Variants in CPM observed in about 807,000 individuals in gnomAD.
CPM encodes renal carboxypeptidase.
A neutral mutation model predicts 46.4 loss-of-function variants in CPM; 35 were observed. That is an observed-to-expected ratio of 0.75 (90% CI 0.58 to 1.00). The LOEUF is 1.00. Ranked by LOEUF, CPM falls within the 50% of genes least tolerant of loss-of-function variation. CPM has a pLI of 0.00. For synonymous variants in CPM, 195 were observed against 195.3 expected (o/e 1.00, Z 0.01); for missense variants, 422 against 530.4 (o/e 0.80, Z 2.01).
chr12:68,951,758 C>T (rs988651308), intron 1 of CPM, among the ~76,000 whole-genome samples: 5 of 152,066 alleles, frequency 3.3e-5, no homozygotes, highest in South Asian at 2.1e-4. Flanking sequence ...ACCAGGAGCC[C>T]GGGGGCCTCA....
At chr12:68,957,945 G>A (rs1186310782) in intron 1 of CPM, among the ~76,000 whole-genome samples, 1 of 140,772 alleles carries the variant, frequency 7.1e-6, no homozygotes, top group African/African-American at 2.6e-5. Context: ...TGTGGTGTTT[G>A]GTTTTCTGTC....
intron 2 of CPM, among the ~76,000 whole-genome samples, chr12:68,931,341 C>T (rs947945186): frequency 1.3e-5 from 2 of 152,068 alleles, no homozygotes; most frequent in Admixed American, 6.5e-5. Flanking sequence ...ACACACCTTA[C>T]AAAAAGTTGA....
At position 68,869,211 on chromosome 12, in the gene CPM, G is replaced by A. The variant is rs572102299; in HGVS notation, c.787+114C>T. On this transcript the variant is annotated intron_variant, in intron 6 of 8. Coordinates refer to ENST00000551568, the MANE Select transcript of CPM (RefSeq NM_198320.5). ...TATGATATTAGCTGATAAGGACAGA[G>A]TGAAGGGCCTATTGTGCCTAAAGTT... 3.9e-5 allele frequency: 32 copies of A among 815,128 alleles called. No individual in the cohort carries two copies. In the East Asian group the frequency reaches 5.6e-4, roughly 14 times the overall value. 50.5% of individuals were successfully genotyped at this position (815,128 alleles called of 1,614,324 possible). A position where few individuals can be genotyped will look rare whatever the true frequency, so the allele number is the denominator to read the frequency against.
chr12:68,861,538 T>G (rs867494903), intron 7 of CPM, among the ~76,000 whole-genome samples: 22 of 140,882 alleles, frequency 1.6e-4, no homozygotes, highest in African/African-American at 5.7e-4. Flanking sequence ...ACACAATTTT[T>G]TGTTTTTTTT....
chr12:68,905,756 C>T (rs2136284394), intron 2 of CPM, among the ~76,000 whole-genome samples: 1 of 152,164 alleles, frequency 6.6e-6, no homozygotes, highest in Admixed American at 6.5e-5. Context: ...AAATCCAGTT[C>T]TTCAGAAAAA....
At chr12:68,895,807 G>A (rs1886849354) in intron 2 of CPM, among the ~76,000 whole-genome samples, 2 of 152,222 alleles carry the variant, frequency 1.3e-5, no homozygotes, top group African/African-American at 4.8e-5. Context: ...TTAGCTGGGT[G>A]TGGTGGTGTG....
intron 2 of CPM, among the ~76,000 whole-genome samples, chr12:68,899,313 G>T (rs1426373614): frequency 1.3e-5 from 2 of 152,200 alleles, no homozygotes; most frequent in Non-Finnish European, 2.9e-5. Flanking sequence ...GAATTCCCAG[G>T]CCCTAACAGC....
chr12:68,933,752 G>C (rs1888612522), upstream of CPM, among the ~76,000 whole-genome samples: 1 of 152,240 alleles, frequency 6.6e-6, no homozygotes, highest in Non-Finnish European at 1.5e-5. Flanking sequence ...GAACGCGCGC[G>C]TGTGTGGAAG....
At chr12:68,856,756 A>G in intron 8 of CPM, 77 bp from the exon 9 acceptor site, 4 of 1,542,034 alleles carry the variant, frequency 2.6e-6, no homozygotes, top group Non-Finnish European at 3.5e-6. Context: ...ACTGATATCC[A>G]TCACTAAAAT....
At chr12:68,898,928 C>T (rs940605508) in intron 2 of CPM, among the ~76,000 whole-genome samples, 5 of 152,150 alleles carry the variant, frequency 3.3e-5, no homozygotes, top group South Asian at 2.1e-4. Context: ...ATTGTAAGCA[C>T]GTGTTTGTTT....
intron 5 of CPM, chr12:68,845,054 C>A (rs753442532): frequency 4.8e-6 from 1 of 209,692 alleles, no homozygotes. Flanking sequence ...AGGCGTGAGC[C>A]GCCACGCCCA....
intron 2 of CPM, among the ~76,000 whole-genome samples, chr12:68,903,680 G>A (rs943531585): frequency 1.3e-5 from 2 of 152,162 alleles, no homozygotes; most frequent in Non-Finnish European, 2.9e-5. Flanking sequence ...GTTTCACAAA[G>A]GACATGAGGC....
At chr12:68,895,603 G>T (rs947151080) in intron 2 of CPM, among the ~76,000 whole-genome samples, 4 of 152,200 alleles carry the variant, frequency 2.6e-5, no homozygotes, top group Admixed American at 1.3e-4. Context: ...TATACTTATT[G>T]CTGATACCTG....
chr12:68,914,686 T>C (rs1887735220), intron 2 of CPM, among the ~76,000 whole-genome samples: 1 of 152,242 alleles, frequency 6.6e-6, no homozygotes, highest in Non-Finnish European at 1.5e-5. Context: ...TAGAATCAGC[T>C]GCTCTGATTT....
chr12:68,901,998 T>G (rs1166673710), intron 2 of CPM, among the ~76,000 whole-genome samples: 2 of 152,178 alleles, frequency 1.3e-5, no homozygotes, highest in East Asian at 3.8e-4. Context: ...TTACTTAATA[T>G]GCATCAATGC....
chr12:68,874,627 A>C (rs1382456209), intron 3 of CPM, among the ~76,000 whole-genome samples: 1 of 152,150 alleles, frequency 6.6e-6, no homozygotes, highest in Non-Finnish European at 1.5e-5. Flanking sequence ...AAACCAAAAA[A>C]ATGTGAAAAA....
rs538037304 is a variant in CPM at position 68,907,904 on chromosome 12, T to C, written c.161-22015A>G. ...AGTGCAGTGGTACGATCTGGGCTCATTGCAATCTCCGCCTCCCGGATTTAA... is the reference window on the plus strand; with the variant it reads ...AGTGCAGTGGTACGATCTGGGCTCACTGCAATCTCCGCCTCCCGGATTTAA... On this transcript the variant is annotated intron_variant, in intron 2 of 8. Transcript: ENST00000551568. Among the ~76,000 whole-genome samples the C allele has an allele frequency of 5.9e-5, 9 of 152,238 alleles. No individual in the cohort carries two copies. The East Asian group carries it at 9.7e-4, about 16-fold the overall frequency.
intron 2 of CPM, among the ~76,000 whole-genome samples, chr12:68,892,805 T>C (rs1178823320): frequency 1.3e-5 from 2 of 151,912 alleles, no homozygotes; most frequent in Non-Finnish European, 1.5e-5. Flanking sequence ...GTTGCACCAT[T>C]GCACTTCAGC....
intron 7 of CPM, among the ~76,000 whole-genome samples, chr12:68,866,491 G>A (rs1333594550): frequency 6.6e-6 from 1 of 152,112 alleles, no homozygotes; most frequent in Non-Finnish European, 1.5e-5. Context: ...CTACAGGCGT[G>A]TGCCACCACG....
Sources: allele counts gnomAD v4.1 joint callset (sites outside exome capture counted in the v4.1 genomes callset), GRCh38; gene constraint gnomAD v4.1.1; transcripts MANE v1.5; gene names NCBI Gene and HGNC (gene_info 2026-07-23, HGNC 2026-07-21).